Variants in STARD13 observed in about 807,000 individuals in gnomAD.
STARD13 encodes stAR-related lipid transfer protein 13.
Under a neutral mutation model 106.4 loss-of-function variants are expected in STARD13, and 62 were observed. The ratio of observed to expected loss-of-function variants is 0.58; its 90% confidence interval spans 0.48 to 0.72. The LOEUF is 0.72. Ranked by LOEUF, STARD13 falls within the 30% of genes least tolerant of loss-of-function variation. STARD13 has a pLI of 0.00. For missense variants in STARD13, 1,387 were observed against 1,424.0 expected (o/e 0.97, Z 0.42); for synonymous variants, 565 against 553.0 (o/e 1.02, Z -0.31).
the STARD13 span, among the ~76,000 whole-genome samples, chr13:33,460,005 C>T: frequency 1.3e-5 from 2 of 152,090 alleles, no homozygotes; most frequent in East Asian, 3.8e-4. Context: ...TAAGTAATTC[C>T]TTTATAATGT....
chr13:33,314,017 A>T (rs1893237247), intron 1 of STARD13, among the ~76,000 whole-genome samples: 2 of 152,152 alleles, frequency 1.3e-5, no homozygotes, highest in Admixed American at 6.6e-5. Context: ...TCCATCACAC[A>T]CATGGCTGTG....
At chr13:33,460,730 T>C in the STARD13 span, among the ~76,000 whole-genome samples, 10 of 151,236 alleles carry the variant, frequency 6.6e-5, no homozygotes, top group Non-Finnish European at 1.2e-4. Flanking sequence ...TAGAATCAAC[T>C]CAAAAAAAAC....
At chr13:33,673,933 T>C in the STARD13 span, among the ~76,000 whole-genome samples, 1 of 151,578 alleles carries the variant, frequency 6.6e-6, no homozygotes, top group Non-Finnish European at 1.5e-5. Flanking sequence ...CGATCTCGGC[T>C]CATGGCAACC....
intron 3 of STARD13, among the ~76,000 whole-genome samples, chr13:33,146,926 C>A (rs116074274): frequency 0.023 from 3,465 of 152,272 alleles, 67 homozygotes; most frequent in Non-Finnish European, 0.039. Flanking sequence ...AAACTAGTAG[C>A]CTTGCATCCA....
intron 4 of STARD13, among the ~76,000 whole-genome samples, chr13:33,141,162 A>G (rs185745414): frequency 6.6e-6 from 1 of 152,344 alleles, no homozygotes; most frequent in Admixed American, 6.5e-5. Context: ...AAAGTAGTTA[A>G]GGACCCTAAT....
the STARD13 span, among the ~76,000 whole-genome samples, chr13:33,464,037 A>ATATG: frequency 7.1e-5 from 10 of 141,026 alleles, no homozygotes; most frequent in East Asian, 6.1e-4. Flanking sequence ...ATATATATAT[A>ATATG]TATATGTATA....
At position 33,172,345 on chromosome 13, in the gene STARD13, G is replaced by A. The variant is rs150371207; in HGVS notation, c.170-4723C>T. 1.7e-4 allele frequency among the ~76,000 whole-genome samples: 26 copies of A among 152,308 alleles called. No homozygotes were observed. The East Asian group carries it at 4.2e-3, about 25-fold the overall frequency. On this transcript the variant is annotated intron_variant, in intron 1 of 13. Coordinates refer to ENST00000336934, the MANE Select transcript of STARD13 (RefSeq NM_178006.4). The stretch of plus-strand genomic sequence containing the variant: ...GTAGGAAGATTATAACATCAAGGTA[G>A]CCAAGAGAAAAGAGTTCAATAGGAC...
At chr13:33,542,438 A>C in the STARD13 span, among the ~76,000 whole-genome samples, 1 of 152,242 alleles carries the variant, frequency 6.6e-6, no homozygotes, top group Non-Finnish European at 1.5e-5. Flanking sequence ...GGGATTTAAA[A>C]CAAAACCCAT....
At chr13:33,196,055 T>C (rs1329257272) in intron 1 of STARD13, among the ~76,000 whole-genome samples, 2 of 152,236 alleles carry the variant, frequency 1.3e-5, no homozygotes, top group Non-Finnish European at 2.9e-5. Context: ...ATGTTATCTG[T>C]GTTTAAAATT....
intron 5 of STARD13, 102 bp from the exon 6 acceptor site, chr13:33,127,648 C>A: frequency 8.2e-7 from 1 of 1,214,302 alleles, no homozygotes; most frequent in Non-Finnish European, 1.1e-6. Context: ...AGATAGCAGC[C>A]GAGCAAAGAA....
the STARD13 span, among the ~76,000 whole-genome samples, chr13:33,587,004 A>T: frequency 2.0e-5 from 3 of 152,140 alleles, no homozygotes; most frequent in African/African-American, 4.8e-5. Flanking sequence ...ACCTGAGGTC[A>T]GGAGTTCGGG....
intron 1 of STARD13, among the ~76,000 whole-genome samples, chr13:33,295,291 T>G (rs763426898): frequency 6.6e-6 from 1 of 151,944 alleles, no homozygotes; most frequent in Non-Finnish European, 1.5e-5. Context: ...TTTGAGAGAG[T>G]AGCAAAATAT....
the STARD13 span, among the ~76,000 whole-genome samples, chr13:33,387,490 C>T: frequency 6.6e-6 from 1 of 152,142 alleles, no homozygotes; most frequent in Non-Finnish European, 1.5e-5. Flanking sequence ...AAGGAGTCCA[C>T]AGTCAAGGAT....
intron 1 of STARD13, among the ~76,000 whole-genome samples, chr13:33,216,274 T>C (rs1260485787): frequency 6.6e-6 from 1 of 152,186 alleles, no homozygotes; most frequent in African/African-American, 2.4e-5. Flanking sequence ...TGCATGTTTA[T>C]AGCAGCAAAA....
the STARD13 span, among the ~76,000 whole-genome samples, chr13:33,545,667 GATA>G: frequency 6.6e-6 from 1 of 152,212 alleles, no homozygotes; most frequent in Non-Finnish European, 1.5e-5. Flanking sequence ...CCCTCCTAGT[GATA>G]ATGAGTGAGT....
chr13:33,184,095 C>T (rs1268285785), intron 1 of STARD13, among the ~76,000 whole-genome samples: 1 of 152,170 alleles, frequency 6.6e-6, no homozygotes, highest in Non-Finnish European at 1.5e-5. Flanking sequence ...TTAAACTTCT[C>T]CTTCCTGAAG....
the STARD13 span, among the ~76,000 whole-genome samples, chr13:33,489,204 T>C: frequency 1.3e-5 from 2 of 152,376 alleles, no homozygotes; most frequent in African/African-American, 4.8e-5. Context: ...GATTAATCAA[T>C]TGATTAGAAT....
At chr13:33,465,232 A>G in the STARD13 span, among the ~76,000 whole-genome samples, 140 of 122,506 alleles carry the variant, frequency 1.1e-3, 2 homozygotes, top group Admixed American at 0.013. Flanking sequence ...TTGAGACGGC[A>G]TCTCACTCTG....
intron 5 of STARD13, among the ~76,000 whole-genome samples, chr13:33,127,833 A>G (rs1877442278): frequency 9.8e-6 from 1 of 101,912 alleles, no homozygotes; most frequent in African/African-American, 2.9e-5. Flanking sequence ...CAAAGTGTTG[A>G]GAGCAAGCTG....
Sources: allele counts gnomAD v4.1 joint callset (sites outside exome capture counted in the v4.1 genomes callset), GRCh38; gene constraint gnomAD v4.1.1; transcripts MANE v1.5; gene names NCBI Gene and HGNC (gene_info 2026-07-23, HGNC 2026-07-21).